TRAPPC9: variants seen among roughly 807,000 people sequenced by gnomAD.
TRAPPC9 encodes trafficking protein particle complex subunit 9, also known as IKK2 binding protein.
TRAPPC9 carries 83 observed loss-of-function variants against 124.0 expected under a neutral mutation model. The observed-to-expected ratio is 0.67, with a 90% CI of 0.56 to 0.80. TRAPPC9 has a LOEUF of 0.80. Ranked by LOEUF, TRAPPC9 falls within the 30% of genes least tolerant of loss-of-function variation. The pLI is 0.00. For synonymous variants in TRAPPC9, 638 were observed against 617.5 expected (o/e 1.03, Z -0.49); for missense variants, 1,302 against 1,508.3 (o/e 0.86, Z 2.27).
intron 19 of TRAPPC9, among the ~76,000 whole-genome samples, chr8:139,966,658 C>T (rs1169446440): frequency 6.6e-6 from 1 of 152,208 alleles, no homozygotes; most frequent in Non-Finnish European, 1.5e-5. Flanking sequence ...CCCACTGTAA[C>T]AAAACCTTCT....
At chr8:140,149,887 A>C (rs2061518712) in intron 17 of TRAPPC9, among the ~76,000 whole-genome samples, 1 of 152,168 alleles carries the variant, frequency 6.6e-6, no homozygotes, top group Non-Finnish European at 1.5e-5. Flanking sequence ...GCATACATAC[A>C]TGCATGTACG....
chr8:139,993,078 G>T (rs1837744025), intron 18 of TRAPPC9, among the ~76,000 whole-genome samples: 1 of 152,022 alleles, frequency 6.6e-6, no homozygotes, highest in Non-Finnish European at 1.5e-5. Context: ...TAAGAATTTT[G>T]GTACAATGAA....
chr8:139,840,168 C>T (rs889445490), intron 21 of TRAPPC9, among the ~76,000 whole-genome samples: 2 of 152,202 alleles, frequency 1.3e-5, no homozygotes, highest in African/African-American at 4.8e-5. Flanking sequence ...TTATTACTGC[C>T]ACGCCTCTCC....
Position 140,381,404 on chromosome 8 carries a change from G to A in TRAPPC9, c.1135-10224C>T, listed in dbSNP as rs922982667. On this transcript the variant is annotated intron_variant, in intron 7 of 22. Coordinates refer to ENST00000438773, the MANE Select transcript of TRAPPC9 (RefSeq NM_001160372.4). ...CAAAGAGGACCAGGCGCAGTGGCTC[G>A]CGCCTGTAATTCCAGCACTTTGGGA... 7.2e-5 allele frequency among the ~76,000 whole-genome samples: 11 copies of A among 151,922 alleles called. No homozygotes were observed. The South Asian group carries it at 8.3e-4, about 11-fold the overall frequency.
chr8:140,411,316 A>G (rs2069699011), intron 5 of TRAPPC9, among the ~76,000 whole-genome samples: 1 of 152,332 alleles, frequency 6.6e-6, no homozygotes, highest in Middle Eastern at 3.4e-3. Context: ...GAGCTGGAAC[A>G]GGGAAAGTAC....
At chr8:140,106,761 G>A (rs920362288) in intron 17 of TRAPPC9, among the ~76,000 whole-genome samples, 7 of 152,156 alleles carry the variant, frequency 4.6e-5, no homozygotes, top group Admixed American at 2.0e-4. Context: ...CAAACGTATT[G>A]TTACAAGAAC....
intron 21 of TRAPPC9, among the ~76,000 whole-genome samples, chr8:139,766,281 G>A (rs1264740178): frequency 1.3e-5 from 2 of 152,190 alleles, no homozygotes; most frequent in Admixed American, 1.3e-4. Flanking sequence ...GGAGGGGGCA[G>A]GCCAGGGAGT....
chr8:140,387,415 A>G (rs1177566828), intron 7 of TRAPPC9, among the ~76,000 whole-genome samples: 1 of 152,258 alleles, frequency 6.6e-6, no homozygotes, highest in Non-Finnish European at 1.5e-5. Flanking sequence ...AGCAAAAGAA[A>G]CTACCATCAG....
At chr8:139,743,743 G>A (rs1326119425) in intron 21 of TRAPPC9, among the ~76,000 whole-genome samples, 1 of 152,166 alleles carries the variant, frequency 6.6e-6, no homozygotes, top group Non-Finnish European at 1.5e-5. Flanking sequence ...GCTGTCCTGT[G>A]GGGTGGGGGG....
chr8:140,334,636 C>T (rs954933338), intron 9 of TRAPPC9, among the ~76,000 whole-genome samples: 8 of 149,366 alleles, frequency 5.4e-5, no homozygotes, highest in African/African-American at 1.7e-4. Context: ...GGCGACAGAG[C>T]GAGACTCTGT....
At chr8:140,125,357 G>A (rs1211482391) in intron 17 of TRAPPC9, among the ~76,000 whole-genome samples, 3 of 152,192 alleles carry the variant, frequency 2.0e-5, no homozygotes, top group Non-Finnish European at 4.4e-5. Context: ...AGGAAGCATC[G>A]ACGAGAACCT....
rs962827064 is a variant in TRAPPC9, at chr8:139,915,681, C to T, written c.2811-5381G>A. On this transcript the variant is annotated intron_variant, in intron 19 of 22. Coordinates refer to ENST00000438773, the MANE Select transcript of TRAPPC9 (RefSeq NM_001160372.4). ...TCTCTGCAGAACAGGAGGGCTTCTG[C>T]GGGGAACATCAGGGCAGAGACATCT... Among the ~76,000 whole-genome samples, 21 of 152,282 alleles carry T rather than the reference C, an allele frequency of 1.4e-4. No homozygotes were observed. The Middle Eastern group carries it at 0.01, about 74-fold the overall frequency.
chr8:140,080,601 G>C lies in TRAPPC9; in HGVS notation c.2557-56522C>G, dbSNP rs10046672. ...TTGACTGATCCAGCCCCATGACAGC[G>C]AGAACTCTCTCAGGAGACAGCACCA... On this transcript the variant is annotated intron_variant, in intron 17 of 22. Coordinates refer to ENST00000438773, the MANE Select transcript of TRAPPC9 (RefSeq NM_001160372.4). Among the ~76,000 whole-genome samples the C allele has an allele frequency of 2.6e-5, 4 of 151,954 alleles. No homozygotes were observed. The East Asian group carries it at 7.7e-4, about 29-fold the overall frequency.
At position 139,776,089 on chromosome 8, in the gene TRAPPC9, G is replaced by A. The variant is rs550703675; in HGVS notation, c.3056-43887C>T. Among the ~76,000 whole-genome samples the A allele has an allele frequency of 1.8e-4, 27 of 152,266 alleles. No homozygotes were observed. Among genetic ancestry groups the A allele is most frequent in the African/African-American group, 5.5e-4 (23 of 41,570 alleles). Reference sequence around the variant, plus strand: ...GTCTTGAGCAATAGCCACCAACCCTGACCAACCTCCTTCCTGAGGACAAGA... The same window carrying A: ...GTCTTGAGCAATAGCCACCAACCCTAACCAACCTCCTTCCTGAGGACAAGA... On this transcript the variant is annotated intron_variant, in intron 21 of 22. Transcript: ENST00000438773. The surrounding 1 kb of genome is among the most constrained non-coding windows in gnomAD (Gnocchi z 4.1).
chr8:140,210,307 A>AC (rs1243935783), intron 17 of TRAPPC9, among the ~76,000 whole-genome samples: 4 of 152,148 alleles, frequency 2.6e-5, no homozygotes, highest in African/African-American at 4.8e-5. Flanking sequence ...GCTGGGAGGG[A>AC]CCCCCGCCTC....
chr8:140,114,467 T>C (rs1385357942), intron 17 of TRAPPC9, among the ~76,000 whole-genome samples: 1 of 152,212 alleles, frequency 6.6e-6, no homozygotes, highest in African/African-American at 2.4e-5. Flanking sequence ...TTAATTTGAC[T>C]GTTCTCTTCG....
At chr8:139,755,319 G>A (rs1399860047) in intron 21 of TRAPPC9, among the ~76,000 whole-genome samples, 3 of 150,578 alleles carry the variant, frequency 2.0e-5, no homozygotes, top group Non-Finnish European at 3.0e-5. Flanking sequence ...GAGGACAGCA[G>A]GTCGCAGGAA....
intron 6 of TRAPPC9, 180 bp downstream of exon 6, chr8:140,405,397 C>T (rs2069454127): frequency 7.9e-6 from 5 of 634,104 alleles, no homozygotes; most frequent in Non-Finnish European, 1.3e-5. Flanking sequence ...TAAACCTACA[C>T]TGTTTTGAAT....
chr8:140,157,146 CT>C (rs36126818), intron 17 of TRAPPC9, among the ~76,000 whole-genome samples: 2,488 of 66,992 alleles, frequency 0.037, 267 homozygotes, highest in Non-Finnish European at 0.059. Flanking sequence ...AGAAGCCTCC[CT>C]TTTCCATTCA....
Sources: allele counts gnomAD v4.1 joint callset (sites outside exome capture counted in the v4.1 genomes callset), GRCh38; gene constraint gnomAD v4.1.1; non-coding constraint Gnocchi (gnomAD v3.1); transcripts MANE v1.5; gene names NCBI Gene and HGNC (gene_info 2026-07-23, HGNC 2026-07-21).